The following NADK variants were observed in gnomAD, a reference collection of about 807,000 sequenced individuals.
NADK encodes the protein poly(P)/ATP NAD kinase.
NADK carries 22 observed loss-of-function variants against 49.8 expected under a neutral mutation model. The observed-to-expected ratio is 0.44, with a 90% CI of 0.32 to 0.63. The LOEUF (loss-of-function observed/expected upper bound fraction) is 0.63. Among genes scored for constraint, NADK ranks in the 30% least tolerant of loss-of-function variants. The pLI, the probability that NADK is intolerant of heterozygous loss-of-function variation, is 0.06. For missense variants in NADK, 438 were observed against 609.4 expected, an observed-to-expected ratio of 0.72 and a Z score of 2.96; for synonymous variants, 268 against 253.7, an observed-to-expected ratio of 1.06 and a Z score of -0.54.
rs140186699 is a variant in NADK, at chr1:1,767,243, C to T, written c.-40-1797G>A. ...AGAACCTCATCTTCTGACCACAATA[C>T]AATAAAACCAGGAAGAGATAGAAAC... On this transcript the variant is annotated intron_variant, in intron 1 of 11. Transcript: ENST00000341426. Among the ~76,000 whole-genome samples the T allele has an allele frequency of 1.9e-3, 285 of 152,254 alleles. 1 individual carries two copies. The highest frequency in any genetic ancestry group is 6.4e-3 in the African/African-American group (266 of 41,560).
At chr1:1,769,929 A>G (rs1449091340) in intron 1 of NADK, among the ~76,000 whole-genome samples, 1 of 151,986 alleles carries the variant, frequency 6.6e-6, no homozygotes, top group Non-Finnish European at 1.5e-5. Context: ...ATACAAAAAA[A>G]GGGCTGGGAG....
intron 10 of NADK, 122 bp downstream of exon 10, chr1:1,753,929 G>A: frequency 7.8e-7 from 1 of 1,287,206 alleles, no homozygotes; most frequent in Non-Finnish European, 1.1e-6. Context: ...GATGGCCCTA[G>A]GATGACGAGG....
chr1:1,771,073 TATAC>T (rs1219389648), intron 1 of NADK, among the ~76,000 whole-genome samples: 1 of 145,100 alleles, frequency 6.9e-6, no homozygotes, highest in African/African-American at 2.5e-5. Flanking sequence ...TATATATATA[TATAC>T]ACACACACAC....
upstream of NADK, chr1:1,778,549 G>T (rs985778659): frequency 6.6e-6 from 1 of 151,044 alleles, no homozygotes; most frequent in African/African-American, 2.4e-5. The surrounding 1 kb of genome is among the most constrained non-coding windows in gnomAD (Gnocchi z 4.9). Flanking sequence ...CACCGGCGCC[G>T]GGACACCCCG....
chr1:1,777,666 C>T (rs1264986015), intron 1 of NADK, among the ~76,000 whole-genome samples: 2 of 152,008 alleles, frequency 1.3e-5, no homozygotes, highest in Non-Finnish European at 1.5e-5. Flanking sequence ...CTCCACCAGG[C>T]CTTCGGAGCT....
chr1:1,771,679 C>T (rs936720391), intron 1 of NADK, among the ~76,000 whole-genome samples: 7 of 152,154 alleles, frequency 4.6e-5, no homozygotes, highest in African/African-American at 1.7e-4. Flanking sequence ...ACTGGACAGC[C>T]ACGTCTAAAA....
At chr1:1,756,980 G>T in intron 4 of NADK, 2 of 912,006 alleles carry the variant, frequency 2.2e-6, no homozygotes, top group Non-Finnish European at 3.6e-6. Context: ...GCTCATTGTT[G>T]GTCACCCAGT....
chr1:1,766,075 C>G (rs1225246965), intron 1 of NADK, among the ~76,000 whole-genome samples: 1 of 151,740 alleles, frequency 6.6e-6, no homozygotes, highest in Non-Finnish European at 1.5e-5. Context: ...CAAGACCACT[C>G]TGGGCAACAA....
At chr1:1,758,440 A>G in intron 3 of NADK, 2 of 1,612,278 alleles carry the variant, frequency 1.2e-6, no homozygotes, top group Admixed American at 1.7e-5. Flanking sequence ...CGGGTCACAC[A>G]TGTGGCTCGC....
intron 11 of NADK, 91 bp from the exon 12 acceptor site, chr1:1,753,151 C>T: frequency 1.4e-6 from 2 of 1,456,696 alleles, no homozygotes; most frequent in East Asian, 4.8e-5. Context: ...CTGGGAATGG[C>T]CGGGACTCTT....
chr1:1,754,084 C>G lies in NADK; in HGVS notation c.1068G>C (p.Arg356=). ...TPICPHSLSF[R]PIVVPAGVEL... is the part of the protein sequence containing the mutation. The stretch of plus-strand genomic sequence containing the variant: ...CGACCCCTGCGGGGACCACGATGGG[C>G]CGGAAGGACAGCGAGTGGGGGCAGA... The change falls in exon 10 of 12, where the codon CGG becomes CGC. Residue 356 remains arginine (R), a synonymous_variant. Coordinates refer to ENST00000341426, the MANE Select transcript of NADK (RefSeq NM_023018.5). The surrounding 1 kb of genome is among the most constrained non-coding windows in gnomAD (Gnocchi z 4.3). 1 of 1,603,600 alleles carries G rather than the reference C, an allele frequency of 6.2e-7. No homozygotes were observed.
At chr1:1,768,171 C>CAAAAAAAA (rs1186857370) in intron 1 of NADK, among the ~76,000 whole-genome samples, 1 of 95,582 alleles carries the variant, frequency 1.0e-5, no homozygotes. Context: ...AACTCCGTCT[C>CAAAAAAAA]AAAAAAAAAA....
In NADK at chr1:1,756,590, C is replaced by A; in HGVS notation, c.412G>T (p.Val138Leu). 1 of 1,614,138 alleles carries A rather than the reference C, an allele frequency of 6.2e-7. No homozygotes were observed. Among genetic ancestry groups the A allele is most frequent in the Non-Finnish European group, 8.5e-7 (1 of 1,180,044 alleles). The change falls in exon 5 of 12, where the codon GTG (valine) becomes TTG (leucine). Residue 138 changes from valine (V) to leucine (L), a missense_variant. By Grantham distance (32) the Val-to-Leu change is conservative. Transcript: ENST00000341426. Reference protein sequence around the residue: ...HLMEENMIVYVEKKVLEDPAI... With the variant: ...HLMEENMIVYLEKKVLEDPAI... ...GGGTCTTCTAGCACTTTCTTTTCCACATACACGATCATGTTCTCCTGGAAG... is the reference window on the plus strand; with the variant it reads ...GGGTCTTCTAGCACTTTCTTTTCCAAATACACGATCATGTTCTCCTGGAAG...
At position 1,752,730 on chromosome 1, in the gene NADK, C is replaced by G. The variant is rs7796; in HGVS notation, c.*174G>C. 0.44 allele frequency: 315,044 copies of G among 710,546 alleles called. 75,336 individuals carry two copies. The highest frequency in any genetic ancestry group is 0.56 in the Admixed American group (19,449 of 34,678). The allele number at this position is 710,546 out of a possible 1,614,324, so 44.0% of individuals were successfully genotyped here. On this transcript the variant is annotated 3_prime_UTR_variant, in exon 12 of 12. Coordinates refer to ENST00000341426, the MANE Select transcript of NADK (RefSeq NM_023018.5). ...CTTTAGAAATGCAAAAAAAGTCAGA[C>G]ATTTTAAAAAAACAGCTGATCTGGA...
Position 1,754,925 on chromosome 1 carries a change from G to T in NADK, c.689-227C>A. ...CAACCTCTGCCTCCCAGGTTCAAGT[G>T]ATTCTCCTGCCTCAGCCTCCCAAGT... On this transcript the variant is annotated intron_variant, in intron 7 of 11. Transcript: ENST00000341426. The surrounding 1 kb of genome is among the most constrained non-coding windows in gnomAD (Gnocchi z 4.3). The T allele has an allele frequency of 2.0e-6, 1 of 496,550 alleles. No homozygotes were observed. The highest frequency in any genetic ancestry group is 3.5e-6 in the Non-Finnish European group (1 of 282,388). 30.8% of individuals were successfully genotyped at this position (496,550 alleles called of 1,614,324 possible).
chr1:1,771,632 TGAG>T (rs1247159115), intron 1 of NADK, among the ~76,000 whole-genome samples: 1 of 152,086 alleles, frequency 6.6e-6, no homozygotes, highest in Admixed American at 6.6e-5. Context: ...TGATTCAACA[TGAG>T]GAGGATCATC....
chr1:1,758,460 C>T (rs1199337555), intron 3 of NADK: 2 of 1,612,314 alleles, frequency 1.2e-6, no homozygotes, highest in African/African-American at 2.7e-5. Flanking sequence ...CGAGGTAGCC[C>T]CTGCCTGCTG....
rs1034984957 is a variant in NADK at position 1,752,340 on chromosome 1, G to A, written c.*564C>T. ...CTCAGTGCTGGCCTCAAGCGGGGAG[G>A]GCTGGATGGCAGGGGACGCATCCAA... is the stretch of plus-strand genomic sequence containing the variant. On this transcript the variant is annotated 3_prime_UTR_variant, in exon 12 of 12. Coordinates refer to ENST00000341426, the MANE Select transcript of NADK (RefSeq NM_023018.5). The A allele has an allele frequency of 6.5e-6, 1 of 152,710 alleles. No homozygotes were observed. The highest frequency in any genetic ancestry group is 2.4e-5 in the African/African-American group (1 of 41,474). 9.5% of individuals were successfully genotyped at this position (152,710 alleles called of 1,614,324 possible). A position where few individuals can be genotyped will look rare whatever the true frequency, so the allele number is the denominator to read the frequency against.
intron 3 of NADK, among the ~76,000 whole-genome samples, chr1:1,757,550 C>T (rs1159844490): frequency 6.6e-6 from 1 of 151,946 alleles, no homozygotes; most frequent in African/African-American, 2.4e-5. Context: ...AGGCTCAGGC[C>T]CACAACCCCC....
Sources: gnomAD v4.1 joint callset for allele counts (sites outside exome capture counted in the v4.1 genomes callset) on GRCh38, gnomAD v4.1.1 for gene constraint, Gnocchi (gnomAD v3.1) non-coding constraint, MANE v1.5 for transcripts, NCBI Gene and HGNC (gene_info 2026-07-23, HGNC 2026-07-21) for gene names.